Variants in CHPF observed in about 807,000 individuals in gnomAD.
CHPF encodes chondroitin polymerizing factor, also known as chondroitin polymerizing factor, non-catalytic subunit.
A neutral mutation model predicts 55.1 loss-of-function variants in CHPF; 34 were observed. That is an observed-to-expected ratio of 0.62 (90% confidence interval 0.47 to 0.82). The LOEUF (loss-of-function observed/expected upper bound fraction) is 0.82. Among genes scored for constraint, CHPF ranks in the 40% least tolerant of loss-of-function variants. CHPF has a pLI of 0.00. For synonymous variants in CHPF, 489 were observed against 496.6 expected, an observed-to-expected ratio of 0.98 and a Z score of 0.20; for missense variants, 961 against 1,106.1, an observed-to-expected ratio of 0.87 and a Z score of 1.86.
rs757737130 is a variant in CHPF, at chr2:219,541,976, G to A, written c.528C>T (p.His176=). The part of the protein sequence containing the change: ...VTLGEERPIG[H]LHLALRHLLE... ...GCAGGTGGCGCAGCGCCAGGTGCAG[G>A]TGTCCAATGGGTCGCTCCTCGCCTA... Residue 176 remains histidine (H), a synonymous_variant, in exon 2 of 4, where the codon CAC becomes CAT. Transcript: ENST00000243776. 2 of 1,610,376 alleles carry A rather than the reference G, an allele frequency of 1.2e-6. No individual in the cohort carries two copies. The highest frequency in any genetic ancestry group is 1.7e-6 in the Non-Finnish European group (2 of 1,178,618).
In CHPF at chr2:219,540,155, C is replaced by T. The variant is rs200411864; in HGVS notation, c.1556G>A (p.Arg519His). 1.3e-4 allele frequency: 210 copies of T among 1,602,796 alleles called. No homozygotes were observed. The highest frequency in any genetic ancestry group is 1.6e-4 in the Non-Finnish European group (184 of 1,175,074). ...TVLLPLAAAERDLAPGFLEAF... is the reference protein window; with the variant it reads ...TVLLPLAAAEHDLAPGFLEAF... ...CTCCAAGAAGCCAGGGGCCAGGTCA[C>T]GCTCAGCCGCAGCTAGAGGCAGCAG... Residue 519 changes from arginine (R) to histidine (H), a missense_variant, in exon 4 of 4, where the codon CGT becomes CAT. Physicochemically the swap from Arg to His is conservative, Grantham distance 29 (BLOSUM62 0). Coordinates refer to ENST00000243776, the MANE Select transcript of CHPF (RefSeq NM_024536.6).
Position 219,540,078 on chromosome 2 carries a change from G to A in CHPF, c.1633C>T (p.Leu545=), listed in dbSNP as rs766081327. The A allele has an allele frequency of 3.2e-5, 52 of 1,608,746 alleles. No individual in the cohort carries two copies. Among genetic ancestry groups the A allele is most frequent in the Non-Finnish European group, 2.6e-5 (31 of 1,178,076 alleles). Reference sequence around the variant, plus strand: ...TGGCGCGGCTCATACAGTAGCAGCAGGGTCAGGGCTGCCGCAGCATCACCA... The same window carrying A: ...TGGCGCGGCTCATACAGTAGCAGCAAGGTCAGGGCTGCCGCAGCATCACCA... ...EPGDAAAALT[L]LLLYEPRQAQ... The change falls in exon 4 of 4, where the codon CTG becomes TTG. Residue 545 remains leucine, a synonymous_variant. Transcript: ENST00000243776.
chr2:219,543,577 C>CT lies in CHPF; in HGVS notation c.-40_-39insA. ...CGGGTCCCCGGCCCCGGCGAACCCC[C>CT]AGAGCAGCCAGAGGAGTCTCCGAGG... On this transcript the variant is annotated 5_prime_UTR_variant, in exon 1 of 4. Coordinates refer to ENST00000243776, the MANE Select transcript of CHPF (RefSeq NM_024536.6). 1.5e-6 allele frequency: 2 copies of CT among 1,310,460 alleles called. No individual in the cohort carries two copies. The highest frequency in any genetic ancestry group is 1.9e-6 in the Non-Finnish European group (2 of 1,030,274). The allele number at this position is 1,310,460 out of a possible 1,614,324, so 81.2% of individuals were successfully genotyped here. A position where few individuals can be genotyped will look rare whatever the true frequency, so the allele number is the denominator to read the frequency against.
chr2:219,542,227 A>C (rs764279137), intron 1 of CHPF, 38 bp from the exon 2 acceptor site: 345 of 279,206 alleles, frequency 1.2e-3, no homozygotes, highest in South Asian at 2.9e-3. Context: ...CAAAAGGACA[A>C]CGGGGCGGGG....
At position 219,543,694 on chromosome 2, in the gene CHPF, C is replaced by T. The variant is rs933902671; in HGVS notation, c.-156G>A. On this transcript the variant is annotated 5_prime_UTR_variant, in exon 1 of 4. Transcript: ENST00000243776. Reference sequence around the variant, plus strand: ...GCAGAGCAGAGCCAGCGGCCCGAGCCGAATCCCCGGAGCCGCGCCTCGATT... The same window carrying T: ...GCAGAGCAGAGCCAGCGGCCCGAGCTGAATCCCCGGAGCCGCGCCTCGATT... 1.7e-4 allele frequency: 85 copies of T among 488,434 alleles called. No homozygotes were observed. Among genetic ancestry groups the T allele is most frequent in the Non-Finnish European group, 2.5e-4 (76 of 298,934 alleles). 30.3% of individuals were successfully genotyped at this position (488,434 alleles called of 1,614,324 possible).
Position 219,539,533 on chromosome 2 carries a change from C to T in CHPF, c.2178G>A (p.Ala726=), listed in dbSNP as rs750337404. 1.7e-5 allele frequency: 28 copies of T among 1,613,680 alleles called. No homozygotes were observed. The South Asian group carries it at 1.8e-4, about 10-fold the overall frequency. ...TCTGGGCCCGGTAGCGCTGCAGCAG[C>T]GCCGGCTCCACCGCCCGCAGCACAT... is the stretch of plus-strand genomic sequence containing the variant. ...SLHVLRAVEP[A]LLQRYRAQTC... The change falls in exon 4 of 4, where the codon GCG becomes GCA. Residue 726 remains alanine (A), a synonymous_variant. Coordinates refer to ENST00000243776, the MANE Select transcript of CHPF (RefSeq NM_024536.6).
rs1199610712 is a variant in CHPF, at chr2:219,543,363, G to A, written c.176C>T (p.Ala59Val). 1.3e-6 allele frequency: 2 copies of A among 1,562,046 alleles called. No individual in the cohort carries two copies. Among genetic ancestry groups the A allele is most frequent in the South Asian group, 2.3e-5 (2 of 86,950 alleles). ...GGGCTGCACCGAGTTGGGCCGGCGC[G>A]CCGCGTTGGTGTTGCCGCGCGGCGG... ...ELPPRGNTNA[A>V]RRPNSVQPGA... The change falls in exon 1 of 4, where the codon GCG becomes GTG. Residue 59 changes from alanine (A) to valine (V), a missense_variant. Physicochemically the swap from Ala to Val is moderately conservative, Grantham distance 64 (BLOSUM62 0). Transcript: ENST00000243776.
rs761875136 is a variant in CHPF, at chr2:219,543,251, G to A, written c.288C>T (p.Pro96=). The change falls in exon 1 of 4, where the codon CCC becomes CCT. Residue 96 remains proline, a synonymous_variant. Transcript: ENST00000243776. ...PRVLPYHPAQ[P]GQAAKKAVRT... is the part of the protein sequence containing the mutation. ...TGACGGCCTTTTTGGCGGCCTGGCC[G>A]GGCTGTGCAGGGTGGTAGGGCAAGA... 1.9e-6 allele frequency: 3 copies of A among 1,561,936 alleles called. No homozygotes were observed. The highest frequency in any genetic ancestry group is 2.6e-6 in the Non-Finnish European group (3 of 1,163,908).
At position 219,541,936 on chromosome 2, in the gene CHPF, C is replaced by T. The variant is rs377629763; in HGVS notation, c.568G>A (p.Asp190Asn). 2 of 1,613,244 alleles carry T rather than the reference C, an allele frequency of 1.2e-6. No homozygotes were observed. The highest frequency in any genetic ancestry group is 1.3e-5 in the African/African-American group (1 of 74,922). The part of the protein sequence containing the change: ...ALRHLLEQHG[D>N]DFDWFFLVPD... ...ACCAGGAAGAACCAGTCAAAGTCGT[C>T]GCCGTGCTGCTCCAGCAGGTGGCGC... The change falls in exon 2 of 4, where the codon GAC (aspartate) becomes AAC (asparagine). Residue 190 changes from aspartate (D) to asparagine (N), a missense_variant. Physicochemically the swap from Asp to Asn is conservative, Grantham distance 23. This residue lies in a region of CHPF where 936 missense variants were observed against 1,058.4 expected (regional missense o/e 0.88). Coordinates refer to ENST00000243776, the MANE Select transcript of CHPF (RefSeq NM_024536.6).
Position 219,540,502 on chromosome 2 carries a change from G to A in CHPF, c.1209C>T (p.Phe403=), listed in dbSNP as rs750758285. Residue 403 remains phenylalanine, a synonymous_variant, in exon 4 of 4, where the codon TTC becomes TTT. Coordinates refer to ENST00000243776, the MANE Select transcript of CHPF (RefSeq NM_024536.6). ...RWDYFTEQHA[F]SCADGSPRCP... is the part of the protein sequence containing the mutation. Reference sequence around the variant, plus strand: ...AGCGGGGTGAGCCATCGGCGCAGGAGAAAGCGTGCTGCTCCGTGAAGTAGT... The same window carrying A: ...AGCGGGGTGAGCCATCGGCGCAGGAAAAAGCGTGCTGCTCCGTGAAGTAGT... 12 of 1,613,950 alleles carry A rather than the reference G, an allele frequency of 7.4e-6. No individual in the cohort carries two copies. Among genetic ancestry groups the A allele is most frequent in the Non-Finnish European group, 1.0e-5 (12 of 1,180,018 alleles).
chr2:219,540,058 C>T lies in CHPF; in HGVS notation c.1653G>A (p.Pro551=), dbSNP rs764333095. The T allele has an allele frequency of 3.4e-5, 55 of 1,610,812 alleles. 1 individual carries two copies. Among genetic ancestry groups the T allele is most frequent in the Middle Eastern group, 1.8e-4 (1 of 5,654 alleles). Residue 551 remains proline, a synonymous_variant, in exon 4 of 4, where the codon CCG becomes CCA. Coordinates refer to ENST00000243776, the MANE Select transcript of CHPF (RefSeq NM_024536.6). ...AALTLLLLYE[P]RQAQRVAHAD... ...CATGGGCCACGCGCTGGGCCTGGCG[C>T]GGCTCATACAGTAGCAGCAGGGTCA...
In CHPF at chr2:219,540,003, C is replaced by G; in HGVS notation, c.1708G>C (p.Val570Leu). ...ADVFAPVKAH[V>L]AELERRFPGA... is the part of the protein sequence containing the mutation. ...GGGAAACGCCGCTCCAGCTCTGCCA[C>G]GTGGGCCTTGACAGGTGCGAAGACA... Residue 570 changes from valine to leucine, a missense_variant, in exon 4 of 4, where the codon GTG (valine) becomes CTG (leucine). Val to Leu is a conservative substitution (Grantham distance 32). This residue lies in a region of CHPF where 936 missense variants were observed against 1,058.4 expected (regional missense o/e 0.88). Coordinates refer to ENST00000243776, the MANE Select transcript of CHPF (RefSeq NM_024536.6). 6.2e-7 allele frequency: 1 copy of G among 1,613,666 alleles called. No homozygotes were observed. The highest frequency in any genetic ancestry group is 8.5e-7 in the Non-Finnish European group (1 of 1,179,970).
In CHPF at chr2:219,539,664, C is replaced by A. The variant is rs1474212100; in HGVS notation, c.2047G>T (p.Asp683Tyr). 6.2e-7 allele frequency: 1 copy of A among 1,613,518 alleles called. No homozygotes were observed. Among genetic ancestry groups the A allele is most frequent in the Middle Eastern group, 1.7e-4 (1 of 6,058 alleles). Reference protein sequence around the residue: ...AASEACFYNSDYVAARGRLAA... With the variant: ...AASEACFYNSYYVAARGRLAA... ...AGGCGCCCACGGGCTGCCACATAGT[C>A]GGAGTTGTAGAAGCAGGCCTCGCTG... Residue 683 changes from aspartate (D) to tyrosine (Y), a missense_variant, in exon 4 of 4, where the codon GAC becomes TAC. By Grantham distance (160) the Asp-to-Tyr change is radical. This residue lies in a region of CHPF where 936 missense variants were observed against 1,058.4 expected (regional missense o/e 0.88). Coordinates refer to ENST00000243776, the MANE Select transcript of CHPF (RefSeq NM_024536.6).
At position 219,539,284 on chromosome 2, in the gene CHPF, CG is replaced by C; in HGVS notation, c.*98del. On this transcript the variant is annotated 3_prime_UTR_variant, in exon 4 of 4. Transcript: ENST00000243776. Reference sequence around the variant, plus strand: ...AGTGGGCCAGCTTGGGGTCTGGCTACGGCCAGCCCTGCCCAGCGAGGCTGGC... The same window carrying C: ...AGTGGGCCAGCTTGGGGTCTGGCTACGCCAGCCCTGCCCAGCGAGGCTGGC... The C allele has an allele frequency of 8.0e-7, 1 of 1,248,122 alleles. No individual in the cohort carries two copies. The highest frequency in any genetic ancestry group is 1.1e-6 in the Non-Finnish European group (1 of 913,504). The allele number at this position is 1,248,122 out of a possible 1,614,324, so 77.3% of individuals were successfully genotyped here. A position where few individuals can be genotyped will look rare whatever the true frequency, so the allele number is the denominator to read the frequency against.
At position 219,539,402 on chromosome 2, in the gene CHPF, T is replaced by C; in HGVS notation, c.2309A>G (p.Glu770Gly). ...TQLAMLLFEQ[E>G]QGNST ...GTGGGGTCAGGTGCTGTTGCCCTGC[T>C]CCTGTTCAAAGAGTAGCATGGCCAG... The change falls in exon 4 of 4, where the codon GAG becomes GGG. Residue 770 changes from glutamate to glycine, a missense_variant. This residue lies in a region of CHPF where 936 missense variants were observed against 1,058.4 expected (regional missense o/e 0.88). Transcript: ENST00000243776. 1 of 1,604,746 alleles carries C rather than the reference T, an allele frequency of 6.2e-7. No homozygotes were observed. Among genetic ancestry groups the C allele is most frequent in the Non-Finnish European group, 8.5e-7 (1 of 1,173,626 alleles).
In CHPF at chr2:219,543,718, T is replaced by G; in HGVS notation, c.-180A>C. The stretch of plus-strand genomic sequence containing the variant: ...CCGAATCCCCGGAGCCGCGCCTCGA[T>G]TCCCCTCCAGCAGCTGCTCTGGGCT... On this transcript the variant is annotated 5_prime_UTR_variant, in exon 1 of 4. Transcript: ENST00000243776. The G allele has an allele frequency of 4.6e-6, 2 of 437,452 alleles. No homozygotes were observed. Among genetic ancestry groups the G allele is most frequent in the Non-Finnish European group, 7.9e-6 (2 of 254,734 alleles). 27.1% of individuals were successfully genotyped at this position (437,452 alleles called of 1,614,324 possible). A position where few individuals can be genotyped will look rare whatever the true frequency, so the allele number is the denominator to read the frequency against.
Position 219,543,130 on chromosome 2 carries a change from C to CTGA in CHPF, c.314+94_314+95insTCA, listed in dbSNP as rs1695313409. The CTGA allele has an allele frequency of 2.9e-6, 4 of 1,371,566 alleles. No homozygotes were observed. In the African/African-American group the frequency reaches 6.1e-5, roughly 21 times the overall value. The allele number at this position is 1,371,566 out of a possible 1,614,324, so 85.0% of individuals were successfully genotyped here. A position where few individuals can be genotyped will look rare whatever the true frequency, so the allele number is the denominator to read the frequency against. On this transcript the variant is annotated intron_variant, in intron 1 of 3. Coordinates refer to ENST00000243776, the MANE Select transcript of CHPF (RefSeq NM_024536.6). ...CCCAAAGACTTCCTGGCTCGCCAGC[C>CTGA]CCTTCCTTCCGGAGCCTGACCCGGG... is the stretch of plus-strand genomic sequence containing the variant.
At position 219,543,508 on chromosome 2, in the gene CHPF, G is replaced by T; in HGVS notation, c.31C>A (p.Arg11=). The T allele has an allele frequency of 2.2e-6, 3 of 1,362,202 alleles. No individual in the cohort carries two copies. Among genetic ancestry groups the T allele is most frequent in the Admixed American group, 3.8e-5 (1 of 26,176 alleles). 84.4% of individuals were successfully genotyped at this position (1,362,202 alleles called of 1,614,324 possible). MRASLLLSVL[R]PAGPVAVGIS... ...CCCACGGCCACGGGCCCTGCGGGCC[G>T]CAGCACCGACAGCAGCAGCGATGCC... The change falls in exon 1 of 4, where the codon CGG becomes AGG. Residue 11 remains arginine (R), a synonymous_variant. Transcript: ENST00000243776.
intron 2 of CHPF, 70 bp downstream of exon 2, chr2:219,541,546 A>G: frequency 7.8e-7 from 1 of 1,287,724 alleles, no homozygotes; most frequent in Non-Finnish European, 1.1e-6. Flanking sequence ...TGTATCTCCA[A>G]CATCCCTTTG....
Sources: gnomAD v4.1 joint callset for allele counts on GRCh38, gnomAD v4.1.1 for gene constraint, gnomAD v4.1.1 regional missense constraint, MANE v1.5 for transcripts, NCBI Gene and HGNC (gene_info 2026-07-23, HGNC 2026-07-21) for gene names.